SPATA21: variants seen among roughly 807,000 people sequenced by gnomAD.
SPATA21 encodes spermatogenesis associated 21, also known as spermatogenesis-associated protein 21.
In SPATA21, 47 loss-of-function variants were observed where a neutral mutation model predicts 54.8. That is an observed-to-expected ratio of 0.86 (90% CI 0.68 to 1.09). SPATA21 has a LOEUF of 1.09. Among genes scored for constraint, SPATA21 ranks in the 50% least tolerant of loss-of-function variants. SPATA21 has a pLI of 0.00. For missense variants in SPATA21, 599 were observed against 596.4 expected, an observed-to-expected ratio of 1.00 and a Z score of -0.05; for synonymous variants, 245 against 235.3, an observed-to-expected ratio of 1.04 and a Z score of -0.38.
Position 16,409,282 on chromosome 1 carries a change from C to G in SPATA21, c.588-79G>C, listed in dbSNP as rs1000107244. On this transcript the variant is annotated intron_variant, in intron 6 of 12. Transcript: ENST00000335496. The surrounding 1 kb of genome is among the most constrained non-coding windows in gnomAD (Gnocchi z 4.1). The stretch of plus-strand genomic sequence containing the variant: ...ATAGCTAGGGGAGGGGTTGGGGGAG[C>G]CTGCAGGAGGAGGTCGTGGGGGAGG... 1 of 1,522,606 alleles carries G rather than the reference C, an allele frequency of 6.6e-7. No homozygotes were observed. Among genetic ancestry groups the G allele is most frequent in the African/African-American group, 1.4e-5 (1 of 73,004 alleles). 94.3% of individuals were successfully genotyped at this position (1,522,606 alleles called of 1,614,324 possible).
At chr1:16,398,054 C>T (rs578144350), downstream of SPATA21, 152 of 888,586 alleles carry the variant, frequency 1.7e-4, no homozygotes, top group Non-Finnish European at 2.0e-4. Context: ...GGGCAGCTGC[C>T]CACTCCCACC....
At chr1:16,425,568 G>C (rs928401185) in intron 3 of SPATA21, 1 of 1,549,754 alleles carries the variant, frequency 6.5e-7, no homozygotes, top group East Asian at 2.5e-5. Flanking sequence ...CCCCGGTTCC[G>C]TTGCCTCCCC....
chr1:16,423,868 G>A (rs1272745910), intron 3 of SPATA21, among the ~76,000 whole-genome samples: 2 of 151,964 alleles, frequency 1.3e-5, no homozygotes, highest in Admixed American at 6.6e-5. Context: ...TAGTCATGTG[G>A]AGTGAACGAA....
In SPATA21 at chr1:16,410,403, G is replaced by A. The variant is rs1359495388; in HGVS notation, c.145-360C>T. Among the ~76,000 whole-genome samples, 6 of 150,624 alleles carry A rather than the reference G, an allele frequency of 4.0e-5. No individual in the cohort carries two copies. In the East Asian group the frequency reaches 9.7e-4, roughly 24 times the overall value. ...TGGGACTACAGCCGCGCACTACAAC[G>A]CCCAGCTAATCTTTTTTTTTTTTTT... is the stretch of plus-strand genomic sequence containing the variant. On this transcript the variant is annotated intron_variant, in intron 5 of 12. Coordinates refer to ENST00000335496, the MANE Select transcript of SPATA21 (RefSeq NM_198546.1).
chr1:16,429,397 A>T (rs1011358804), intron 3 of SPATA21, among the ~76,000 whole-genome samples: 1 of 151,296 alleles, frequency 6.6e-6, no homozygotes, highest in African/African-American at 2.4e-5. Context: ...CTCCCAAAGT[A>T]TTGGGAGCAG....
At chr1:16,406,496 C>G (rs753756303) in intron 7 of SPATA21, among the ~76,000 whole-genome samples, 1 of 152,298 alleles carries the variant, frequency 6.6e-6, no homozygotes, top group Middle Eastern at 3.4e-3. Context: ...CTACCCAGCA[C>G]TTTGGGAAGC....
chr1:16,398,222 T>C (rs2085344825), downstream of SPATA21: 2 of 166,444 alleles, frequency 1.2e-5, no homozygotes, highest in African/African-American at 4.8e-5. Context: ...GATTTCCCTC[T>C]GCCCAGTCCC....
intron 3 of SPATA21, among the ~76,000 whole-genome samples, chr1:16,427,033 G>C (rs1167845903): frequency 1.3e-5 from 2 of 152,058 alleles, no homozygotes; most frequent in Non-Finnish European, 2.9e-5. Context: ...TATTGTGTGG[G>C]CGCTTAAGGG....
Position 16,421,426 on chromosome 1 carries a change from C to A in SPATA21, c.144+83G>T. ...AAATAGGGGTTTGACGTGCCACATC[C>A]GCTTCTGCCCTCTTCCTCCTCCTGA... On this transcript the variant is annotated intron_variant, in intron 5 of 12. Transcript: ENST00000335496. This position sits in a 1 kb window ranked among gnomAD's most constrained non-coding sequence, Gnocchi z 5.2. The A allele has an allele frequency of 7.3e-7, 1 of 1,365,304 alleles. No individual in the cohort carries two copies. Among genetic ancestry groups the A allele is most frequent in the Non-Finnish European group, 1.0e-6 (1 of 1,002,492 alleles). The allele number at this position is 1,365,304 out of a possible 1,614,324, so 84.6% of individuals were successfully genotyped here. A position where few individuals can be genotyped will look rare whatever the true frequency, so the allele number is the denominator to read the frequency against.
In SPATA21 at chr1:16,409,582, G is replaced by T; in HGVS notation, c.587+19C>A. ...TGGGGCCTTTCAGGAGCGGGCGGGT[G>T]AGCAGCGGGGGCTCCTACCGCGCCT... On this transcript the variant is annotated intron_variant, in intron 6 of 12. Coordinates refer to ENST00000335496, the MANE Select transcript of SPATA21 (RefSeq NM_198546.1). The surrounding 1 kb of genome is among the most constrained non-coding windows in gnomAD (Gnocchi z 4.1). The T allele has an allele frequency of 6.2e-7, 1 of 1,601,188 alleles. No individual in the cohort carries two copies. Among genetic ancestry groups the T allele is most frequent in the Admixed American group, 1.7e-5 (1 of 58,494 alleles).
chr1:16,404,308 A>G (rs561292076), intron 8 of SPATA21, among the ~76,000 whole-genome samples: 3 of 152,066 alleles, frequency 2.0e-5, no homozygotes, highest in Non-Finnish European at 4.4e-5. Flanking sequence ...CGTCTCTACT[A>G]AAAATACAAA....
chr1:16,425,747 A>G (rs755344159), intron 3 of SPATA21: 621 of 1,543,294 alleles, frequency 4.0e-4, no homozygotes, highest in Non-Finnish European at 5.1e-4. Context: ...GAAAATAGAC[A>G]AAGTGACACT....
Position 16,428,063 on chromosome 1 carries a change from C to A in SPATA21, c.34+3275G>T, listed in dbSNP as rs1009286005. The A allele has an allele frequency of 5.9e-6, 9 of 1,528,656 alleles. No individual in the cohort carries two copies. Among genetic ancestry groups the A allele is most frequent in the Non-Finnish European group, 8.0e-6 (9 of 1,131,210 alleles). 94.7% of individuals were successfully genotyped at this position (1,528,656 alleles called of 1,614,324 possible). On this transcript the variant is annotated intron_variant, in intron 3 of 12. Coordinates refer to ENST00000335496, the MANE Select transcript of SPATA21 (RefSeq NM_198546.1). This position sits in a 1 kb window ranked among gnomAD's most constrained non-coding sequence, Gnocchi z 4.3. ...GTGGCTTGAGGGCTGGCATTGAGTA[C>A]CCGTTCTGGAGTGATCCCTCCCACT... is the stretch of plus-strand genomic sequence containing the variant.
chr1:16,407,090 A>T (rs544243267), intron 7 of SPATA21, among the ~76,000 whole-genome samples: 1 of 152,336 alleles, frequency 6.6e-6, no homozygotes, highest in Non-Finnish European at 1.5e-5. Flanking sequence ...TATTCTATGA[A>T]CTCAGTGCTG....
rs2100925657 is a variant in SPATA21, at chr1:16,437,156, G to T, written c.-215C>A. The stretch of plus-strand genomic sequence containing the variant: ...AAATCAGCTGGATGAGTCACAGTGA[G>T]ATTTTCCACCCCTGCTCACCGCCTT... On this transcript the variant is annotated 5_prime_UTR_variant, in exon 1 of 13. Transcript: ENST00000335496. 1 of 152,426 alleles carries T rather than the reference G, an allele frequency of 6.6e-6. No homozygotes were observed. The highest frequency in any genetic ancestry group is 1.9e-4 in the East Asian group (1 of 5,182). 9.4% of individuals were successfully genotyped at this position (152,426 alleles called of 1,614,324 possible). A position where few individuals can be genotyped will look rare whatever the true frequency, so the allele number is the denominator to read the frequency against.
chr1:16,413,398 T>C (rs548816465), intron 5 of SPATA21, among the ~76,000 whole-genome samples: 2 of 152,350 alleles, frequency 1.3e-5, no homozygotes, highest in African/African-American at 4.8e-5. Context: ...CAGACCACAT[T>C]TGGCATATCC....
intron 7 of SPATA21, among the ~76,000 whole-genome samples, chr1:16,405,597 G>A (rs1029845559): frequency 1.3e-5 from 2 of 151,462 alleles, no homozygotes; most frequent in African/African-American, 4.9e-5. Context: ...GGAGATCCAG[G>A]AAGCAGTGAG....
intron 10 of SPATA21, among the ~76,000 whole-genome samples, chr1:16,401,648 A>G (rs955350416): frequency 5.9e-5 from 9 of 152,164 alleles, no homozygotes; most frequent in African/African-American, 2.2e-4. Context: ...GCAAGTACTT[A>G]TCTGTGCAAT....
intron 5 of SPATA21, among the ~76,000 whole-genome samples, chr1:16,413,514 G>T (rs556258848): frequency 8.5e-5 from 13 of 152,308 alleles, no homozygotes; most frequent in East Asian, 3.9e-4. Context: ...CCTGCTTTCA[G>T]TTCTCTGGGG....
Sources: allele counts gnomAD v4.1 joint callset (sites outside exome capture counted in the v4.1 genomes callset), GRCh38; gene constraint gnomAD v4.1.1; non-coding constraint Gnocchi (gnomAD v3.1); transcripts MANE v1.5; gene names NCBI Gene and HGNC (gene_info 2026-07-23, HGNC 2026-07-21).